The following MYO15A variants were observed in gnomAD, a reference collection of about 807,000 sequenced individuals.
MYO15A encodes the protein unconventional myosin-XV.
In MYO15A, 308 loss-of-function variants were observed where a neutral mutation model predicts 394.6. The observed-to-expected ratio is 0.78, with a 90% CI of 0.71 to 0.86. MYO15A has a LOEUF of 0.86. MYO15A is among the 40% of genes least tolerant of loss of function. The pLI is 0.00. For synonymous variants in MYO15A, 1,957 were observed against 2,003.8 expected (o/e 0.98, Z 0.62); for missense variants, 4,606 against 4,799.1 (o/e 0.96, Z 1.19).
At chr17:18,142,700 G>T in intron 24 of MYO15A, 56 bp from the exon 25 acceptor site, 1 of 1,491,794 alleles carries the variant, frequency 6.7e-7, no homozygotes, top group Non-Finnish European at 9.3e-7. Flanking sequence ...TCTACCTTTT[G>T]GTCACCCTGT....
Position 18,137,620 on chromosome 17 carries a change from A to G in MYO15A, c.4816A>G (p.Asn1606Asp). The change falls in exon 16 of 66, where the codon AAC becomes GAC. Residue 1606 changes from asparagine (N) to aspartate (D), a missense_variant. Asn to Asp is a conservative substitution (Grantham distance 23). Transcript: ENST00000647165. ...CAACAGCTTTGAGCAGCTGTGTATT[A>G]ACTACGCAAACGAGAACCTTCAGTA... The part of the protein sequence containing the change: ...SFNSFEQLCI[N>D]YANENLQYLF... 1 of 1,614,176 alleles carries G rather than the reference A, an allele frequency of 6.2e-7. No individual in the cohort carries two copies. The highest frequency in any genetic ancestry group is 8.5e-7 in the Non-Finnish European group (1 of 1,180,042).
chr17:18,154,617 T>G, intron 44 of MYO15A, 63 bp from the exon 45 acceptor site: 1 of 1,550,034 alleles, frequency 6.5e-7, no homozygotes, highest in Middle Eastern at 1.7e-4. Flanking sequence ...CCTAGTATAG[T>G]CCAGCCTGGG....
chr17:18,152,003 G>A, intron 41 of MYO15A, 52 bp downstream of exon 41: 1 of 1,538,928 alleles, frequency 6.5e-7, no homozygotes, highest in Non-Finnish European at 8.8e-7. Flanking sequence ...ACAAAGAGGG[G>A]CCTCAGGGAT....
At chr17:18,127,307 G>T (rs2046066223) in intron 7 of MYO15A, 142 bp downstream of exon 7, 2 of 987,560 alleles carry the variant, frequency 2.0e-6, no homozygotes, top group Non-Finnish European at 3.1e-6. Flanking sequence ...GCCCAGGGCT[G>T]CTTTTTCTGC....
Position 18,136,565 on chromosome 17 carries a change from A to T in MYO15A, c.4658A>T (p.Asp1553Val), listed in dbSNP as rs2046277635. The T allele has an allele frequency of 1.2e-6, 2 of 1,613,840 alleles. No homozygotes were observed. The highest frequency in any genetic ancestry group is 1.3e-5 in the African/African-American group (1 of 74,892). ...LTVESAVDAR[D>V]AIAKVLYALL... ...CACCAGCACCACCTCTGCTCCAGGGACGCCATCGCCAAGGTCTTGTATGCA... is the reference window on the plus strand; with the variant it reads ...CACCAGCACCACCTCTGCTCCAGGGTCGCCATCGCCAAGGTCTTGTATGCA... Residue 1553 changes from aspartate (D) to valine (V), a missense_variant and splice_region_variant, in exon 15 of 66, where the codon GAC becomes GTC. Around this residue, in one of 2 missense-constraint regions of MYO15A, gnomAD observed 2,776 missense variants for 3,109.3 expected, o/e 0.89. Transcript: ENST00000647165.
Position 18,128,766 on chromosome 17 carries a change from A to G in MYO15A, c.4032+1601A>G, listed in dbSNP as rs546536057. On this transcript the variant is annotated intron_variant, in intron 7 of 65. Coordinates refer to ENST00000647165, the MANE Select transcript of MYO15A (RefSeq NM_016239.4). ...CACTTGTATCCATTTATAGATGGGA[A>G]CACTGAGGCCTAAGAAGGGAGGAGT... is the stretch of plus-strand genomic sequence containing the variant. Among the ~76,000 whole-genome samples the G allele has an allele frequency of 2.9e-3, 437 of 152,258 alleles. 2 individuals carry two copies. The highest frequency in any genetic ancestry group is 0.01 in the African/African-American group (419 of 41,540).
chr17:18,124,286 G>T (rs948849505), intron 2 of MYO15A, 197 bp from the exon 3 acceptor site: 4 of 654,026 alleles, frequency 6.1e-6, no homozygotes, highest in South Asian at 1.7e-5. Context: ...GAGGGTATGC[G>T]TGTGTCTCAT....
rs1386840850 is a variant in MYO15A, at chr17:18,118,940, T to C, written c.140T>C (p.Ile47Thr). 7 of 1,613,218 alleles carry C rather than the reference T, an allele frequency of 4.3e-6. No individual in the cohort carries two copies. The South Asian group carries it at 7.7e-5, about 18-fold the overall frequency. Residue 47 changes from isoleucine (I) to threonine (T), a missense_variant, in exon 2 of 66, where the codon ATC (isoleucine) becomes ACC (threonine). Transcript: ENST00000647165. Reference protein sequence around the residue: ...FMGFRDRTPKISKKGQFRSAS... With the variant: ...FMGFRDRTPKTSKKGQFRSAS... Reference sequence around the variant, plus strand: ...GGCTTCCGCGACCGTACACCCAAGATCTCCAAGAAGGGCCAGTTCCGCAGC... The same window carrying C: ...GGCTTCCGCGACCGTACACCCAAGACCTCCAAGAAGGGCCAGTTCCGCAGC...
intron 2 of MYO15A, 48 bp from the exon 3 acceptor site, chr17:18,124,435 A>T: frequency 6.3e-7 from 1 of 1,582,974 alleles, no homozygotes; most frequent in Admixed American, 1.7e-5. Context: ...TCAGTGGGGG[A>T]GGGGGGTGCC....
At position 18,158,526 on chromosome 17, in the gene MYO15A, C is replaced by G. The variant is rs772247028; in HGVS notation, c.8971C>G (p.Pro2991Ala). ...AQEVGRRREGPPVRARSADHG... is the reference protein window; with the variant it reads ...AQEVGRRREGAPVRARSADHG... ...CCTAGCTCCGCCTCTTCTGCAGGGT[C>G]CCCCAGTCAGGGCCCGCTCTGCTGA... The change falls in exon 52 of 66, where the codon CCC becomes GCC. Residue 2991 changes from proline (P) to alanine (A), a missense_variant. Around this residue, in one of 2 missense-constraint regions of MYO15A, gnomAD observed 2,776 missense variants for 3,109.3 expected, o/e 0.89. Coordinates refer to ENST00000647165, the MANE Select transcript of MYO15A (RefSeq NM_016239.4). 3.1e-6 allele frequency: 5 copies of G among 1,613,960 alleles called. No individual in the cohort carries two copies. Among genetic ancestry groups the G allele is most frequent in the East Asian group, 4.5e-5 (2 of 44,878 alleles).
intron 51 of MYO15A, 51 bp downstream of exon 51, chr17:18,157,951 C>T (rs1330302672): frequency 2.8e-6 from 4 of 1,444,290 alleles, no homozygotes; most frequent in Non-Finnish European, 3.6e-6. Context: ...GGGAAGGGGC[C>T]GCTGCAGAAG....
At chr17:18,149,622 C>G in intron 35 of MYO15A, 42 bp downstream of exon 35, 3 of 1,582,062 alleles carry the variant, frequency 1.9e-6, no homozygotes, top group Non-Finnish European at 2.6e-6. Context: ...ACAGCAGGCA[C>G]AGCATGTACA....
chr17:18,120,630 C>G lies in MYO15A; in HGVS notation c.1830C>G (p.Phe610Leu). Residue 610 changes from phenylalanine (F) to leucine (L), a missense_variant, in exon 2 of 66, where the codon TTC becomes TTG. Around this residue, in one of 2 missense-constraint regions of MYO15A, gnomAD observed 1,830 missense variants for 1,689.7 expected, o/e 1.08. Coordinates refer to ENST00000647165, the MANE Select transcript of MYO15A (RefSeq NM_016239.4). ...PAVREAAYKR[F>L]GYKLAGMDPE... The stretch of plus-strand genomic sequence containing the variant: ...TCAGGGAGGCGGCCTACAAACGCTT[C>G]GGCTACAAGCTGGCTGGCATGGACC... 1.3e-6 allele frequency: 2 copies of G among 1,596,444 alleles called. No homozygotes were observed. Among genetic ancestry groups the G allele is most frequent in the Non-Finnish European group, 1.7e-6 (2 of 1,174,284 alleles).
chr17:18,126,993 C>T (rs2046056891), intron 6 of MYO15A, 82 bp from the exon 7 acceptor site: 3 of 1,599,658 alleles, frequency 1.9e-6, no homozygotes, highest in Admixed American at 3.3e-5. Context: ...CGTACATATC[C>T]TCTTGCTTCA....
At position 18,118,707 on chromosome 17, in the gene MYO15A, C is replaced by G. The variant is rs1297975579; in HGVS notation, c.-94C>G. The G allele has an allele frequency of 5.0e-6, 8 of 1,585,072 alleles. No individual in the cohort carries two copies. The Admixed American group carries it at 8.7e-5, about 17-fold the overall frequency. On this transcript the variant is annotated 5_prime_UTR_variant, in exon 2 of 66. Coordinates refer to ENST00000647165, the MANE Select transcript of MYO15A (RefSeq NM_016239.4). The stretch of plus-strand genomic sequence containing the variant: ...TCACAGCCCGAGGAGGCCGCGTGTC[C>G]AGCCGCGGGCAAGAGACAGAGCAGG...
intron 47 of MYO15A, 38 bp downstream of exon 47, chr17:18,155,470 G>T: frequency 6.4e-7 from 1 of 1,556,648 alleles, no homozygotes; most frequent in Non-Finnish European, 8.8e-7. Context: ...GCTGGAGACT[G>T]GGATACAGAC....
chr17:18,128,942 G>T (rs2046102661), intron 7 of MYO15A, among the ~76,000 whole-genome samples: 1 of 152,090 alleles, frequency 6.6e-6, no homozygotes, highest in Non-Finnish European at 1.5e-5. Flanking sequence ...ATGACCATGG[G>T]GCTCCTTTCC....
At chr17:18,141,289 T>A in intron 22 of MYO15A, 146 bp downstream of exon 22, 1 of 1,224,770 alleles carries the variant, frequency 8.2e-7, no homozygotes, top group East Asian at 2.5e-5. Context: ...ATGCTAACTG[T>A]TAATGTGGTA....
chr17:18,141,777 C>T lies in MYO15A; in HGVS notation c.5649+7C>T, dbSNP rs1433011971. ...CCGTGTTGGGGTCAGCAAGGTGAGTCCTGCCCGACAGTCAGCCCTTGGAGA... is the reference window on the plus strand; with the variant it reads ...CCGTGTTGGGGTCAGCAAGGTGAGTTCTGCCCGACAGTCAGCCCTTGGAGA... On this transcript the variant is annotated splice_region_variant and intron_variant, in intron 23 of 65. Transcript: ENST00000647165. 6.2e-7 allele frequency: 1 copy of T among 1,613,642 alleles called. No individual in the cohort carries two copies. Among genetic ancestry groups the T allele is most frequent in the Non-Finnish European group, 8.5e-7 (1 of 1,179,722 alleles).
Sources: gnomAD v4.1 joint callset for allele counts (sites outside exome capture counted in the v4.1 genomes callset) on GRCh38, gnomAD v4.1.1 for gene constraint, gnomAD v4.1.1 regional missense constraint, MANE v1.5 for transcripts, NCBI Gene and HGNC (gene_info 2026-07-23, HGNC 2026-07-21) for gene names.